RFC1: variants seen among roughly 807,000 people sequenced by gnomAD.
The protein encoded by RFC1 is replication factor C subunit 1.
A neutral mutation model predicts 137.4 loss-of-function variants in RFC1; 37 were observed. The observed-to-expected ratio is 0.27, with a 90% CI of 0.21 to 0.35. RFC1 has a LOEUF of 0.35. Among genes scored for constraint, RFC1 ranks in the 10% least tolerant of loss-of-function variants. The probability of loss-of-function intolerance (pLI) is 1.00; values close to 1 mark genes in which losing one functional copy is unlikely to be tolerated. For synonymous variants in RFC1, 429 were observed against 455.7 expected (o/e 0.94, Z 0.75); for missense variants, 1,205 against 1,358.5 (o/e 0.89, Z 1.78).
chr4:39,313,042 A>C, intron 10 of RFC1, 111 bp from the exon 11 acceptor site: 1 of 903,660 alleles, frequency 1.1e-6, no homozygotes, highest in Non-Finnish European at 1.7e-6. Context: ...ATCATAAATA[A>C]CCTTGGCATG....
chr4:39,291,722 A>G lies in RFC1; in HGVS notation c.3085T>C (p.Leu1029=). 6.2e-7 allele frequency: 1 copy of G among 1,614,116 alleles called. No homozygotes were observed. The stretch of plus-strand genomic sequence containing the variant: ...ATATTCTCAAAGTCTTCTTTCATCA[A>G]ATAATATGTGTCCATAAGTGCAACA... ...DVVALMDTYY[L]MKEDFENIME... The change falls in exon 23 of 25, where the codon TTG becomes CTG. Residue 1029 remains leucine (L), a synonymous_variant. Transcript: ENST00000349703.
intron 5 of RFC1, 50 bp downstream of exon 5, chr4:39,327,474 G>A: frequency 8.7e-7 from 1 of 1,155,916 alleles, no homozygotes; most frequent in East Asian, 2.4e-5. Flanking sequence ...GTTAATATTA[G>A]TGAATGGGTA....
chr4:39,297,072 T>C (rs1738055559), intron 21 of RFC1, among the ~76,000 whole-genome samples: 2 of 145,980 alleles, frequency 1.4e-5, no homozygotes, highest in South Asian at 4.4e-4. Context: ...TGTCTGTTCA[T>C]GTCCTTCGCC....
chr4:39,345,294 T>C (rs902590936), intron 3 of RFC1, 107 bp downstream of exon 3: 19 of 882,236 alleles, frequency 2.2e-5, no homozygotes, highest in Non-Finnish European at 3.2e-5. Context: ...CGATTGCGAT[T>C]ACAGGCATGA....
At chr4:39,310,907 T>C (rs933011378) in intron 12 of RFC1, among the ~76,000 whole-genome samples, 1 of 152,170 alleles carries the variant, frequency 6.6e-6, no homozygotes, top group African/African-American at 2.4e-5. Context: ...TTTGGGACGC[T>C]GAAGTGGGTG....
At chr4:39,330,017 G>C (rs1740014600) in intron 4 of RFC1, among the ~76,000 whole-genome samples, 1 of 152,070 alleles carries the variant, frequency 6.6e-6, no homozygotes, top group Non-Finnish European at 1.5e-5. Flanking sequence ...CTGGGCGACA[G>C]AGTGAGACTC....
At chr4:39,352,610 C>G (rs796185653) in intron 1 of RFC1, among the ~76,000 whole-genome samples, 2 of 152,176 alleles carry the variant, frequency 1.3e-5, no homozygotes, top group African/African-American at 4.8e-5. Context: ...TAAAGTGGGA[C>G]TAATACTGAC....
In RFC1 at chr4:39,288,737, G is replaced by C. The variant is rs1322127022; in HGVS notation, c.*24C>G. The C allele has an allele frequency of 6.8e-7, 1 of 1,480,964 alleles. No individual in the cohort carries two copies. Among genetic ancestry groups the C allele is most frequent in the Non-Finnish European group, 9.4e-7 (1 of 1,060,478 alleles). The allele number at this position is 1,480,964 out of a possible 1,614,324, so 91.7% of individuals were successfully genotyped here. On this transcript the variant is annotated 3_prime_UTR_variant, in exon 25 of 25. Coordinates refer to ENST00000349703, the MANE Select transcript of RFC1 (RefSeq NM_002913.5). ...CTGGTCAGGAGGGAGAGTAAAAAGT[G>C]GCTGTCGCTAGTGAAAAATGGTTTC...
intron 1 of RFC1, among the ~76,000 whole-genome samples, chr4:39,352,211 T>C (rs569839068): frequency 2.7e-4 from 41 of 152,202 alleles, no homozygotes; most frequent in African/African-American, 9.9e-4. Context: ...GTGGAACATA[T>C]ACTCCAGTAT....
chr4:39,305,040 A>G (rs1738568246), intron 14 of RFC1, 112 bp from the exon 15 acceptor site: 2 of 725,880 alleles, frequency 2.8e-6, no homozygotes, highest in Non-Finnish European at 5.0e-6. Context: ...ATAAAAACCC[A>G]TAGGTAAAGT....
chr4:39,340,704 T>C (rs1028481555), intron 4 of RFC1, among the ~76,000 whole-genome samples: 3 of 152,162 alleles, frequency 2.0e-5, no homozygotes, highest in African/African-American at 7.2e-5. Flanking sequence ...TTCTCTTGTA[T>C]GAAGGAAAGG....
At position 39,345,386 on chromosome 4, in the gene RFC1, A is replaced by G; in HGVS notation, c.208+15T>C. On this transcript the variant is annotated intron_variant, in intron 3 of 24. Coordinates refer to ENST00000349703, the MANE Select transcript of RFC1 (RefSeq NM_002913.5). Reference sequence around the variant, plus strand: ...TAACTTTAAAATTTTAAAGCTCCTCAGAAGAAATTATTACCTGAATCATAG... The same window carrying G: ...TAACTTTAAAATTTTAAAGCTCCTCGGAAGAAATTATTACCTGAATCATAG... 3 of 1,608,704 alleles carry G rather than the reference A, an allele frequency of 1.9e-6. No individual in the cohort carries two copies. Among genetic ancestry groups the G allele is most frequent in the Non-Finnish European group, 2.6e-6 (3 of 1,176,232 alleles).
chr4:39,366,237 A>G lies in RFC1; in HGVS notation c.3+2T>C. 6.4e-7 allele frequency: 1 copy of G among 1,551,250 alleles called. No homozygotes were observed. On this transcript the variant is annotated splice_donor_variant, in intron 1 of 24. Coordinates refer to ENST00000349703, the MANE Select transcript of RFC1 (RefSeq NM_002913.5). LOFTEE classifies it high-confidence loss of function. ...GCCGCACGGCCTCCCCCAGCGGCTC[A>G]CCATCGCAGCCCCAGGATGAAGGCG... is the stretch of plus-strand genomic sequence containing the variant.
At chr4:39,355,210 C>A (rs947545734) in intron 1 of RFC1, among the ~76,000 whole-genome samples, 8 of 147,996 alleles carry the variant, frequency 5.4e-5, no homozygotes, top group African/African-American at 1.7e-4. Flanking sequence ...ATCATTTGAG[C>A]CCAAGAGTTT....
rs186590727 is a variant in RFC1 at position 39,351,760 on chromosome 4, G to T, written c.4-284C>A. Among the ~76,000 whole-genome samples, 40 of 152,036 alleles carry T rather than the reference G, an allele frequency of 2.6e-4. 1 individual carries two copies. Among genetic ancestry groups the T allele is most frequent in the African/African-American group, 9.2e-4 (38 of 41,490 alleles). ...GTGGATCACTTGAGGTCAGGAGTTC[G>T]AGACCAGCCTGGCCAACATGGTGAA... On this transcript the variant is annotated intron_variant, in intron 1 of 24. Coordinates refer to ENST00000349703, the MANE Select transcript of RFC1 (RefSeq NM_002913.5).
At chr4:39,325,798 T>A (rs1739733761) in intron 6 of RFC1, among the ~76,000 whole-genome samples, 1 of 152,232 alleles carries the variant, frequency 6.6e-6, no homozygotes, top group Admixed American at 6.5e-5. Context: ...TATTACAAGC[T>A]GACATCTCTC....
At chr4:39,348,275 T>C (rs1316631048) in intron 2 of RFC1, among the ~76,000 whole-genome samples, 1 of 150,382 alleles carries the variant, frequency 6.6e-6, no homozygotes, top group Non-Finnish European at 1.5e-5. Context: ...TACAAAAAAT[T>C]AGCTGGACAT....
intron 21 of RFC1, among the ~76,000 whole-genome samples, chr4:39,299,619 AAAAAAAAAAAG>A (rs1455944802): frequency 6.6e-6 from 1 of 151,522 alleles, no homozygotes; most frequent in East Asian, 1.9e-4. Context: ...TCAAAAAAAA[AAAAAAAAAAAG>A]AAAGAAAGAA....
intron 19 of RFC1, among the ~76,000 whole-genome samples, chr4:39,301,728 T>C (rs1738372120): frequency 6.6e-6 from 1 of 152,180 alleles, no homozygotes; most frequent in South Asian, 2.1e-4. Context: ...GGAGGATCAC[T>C]TGAGGCCAGG....
Sources: allele counts gnomAD v4.1 joint callset (sites outside exome capture counted in the v4.1 genomes callset), GRCh38; gene constraint gnomAD v4.1.1; transcripts MANE v1.5; gene names NCBI Gene and HGNC (gene_info 2026-07-23, HGNC 2026-07-21).